The following RASA1 variants were observed in gnomAD, a reference collection of about 807,000 sequenced individuals.
The protein encoded by RASA1 is ras GTPase-activating protein 1.
RASA1 carries 25 observed loss-of-function variants against 132.2 expected under a neutral mutation model. The ratio of observed to expected loss-of-function variants is 0.19; its 90% confidence interval spans 0.14 to 0.26. The LOEUF is 0.26. Ranked by LOEUF, RASA1 falls within the 10% of genes least tolerant of loss-of-function variation. The pLI is 1.00. For synonymous variants in RASA1, 477 were observed against 449.9 expected (o/e 1.06, Z -0.76); for missense variants, 964 against 1,299.2 (o/e 0.74, Z 3.97).
chr5:87,390,756 G>T lies in RASA1; in HGVS notation c.3061-44G>T. ...TCCAGGTTCCCATCCTGAAATTGCT[G>T]ACCGAGCTTTCATTTATTTTCATAC... On this transcript the variant is annotated intron_variant, in intron 24 of 24. Transcript: ENST00000274376. 2.0e-6 allele frequency: 3 copies of T among 1,525,700 alleles called. No homozygotes were observed. The South Asian group carries it at 3.4e-5, about 17-fold the overall frequency. The allele number at this position is 1,525,700 out of a possible 1,614,324, so 94.5% of individuals were successfully genotyped here.
chr5:87,369,939 G>GT, intron 12 of RASA1, 39 bp downstream of exon 12: 1 of 1,491,732 alleles, frequency 6.7e-7, no homozygotes, highest in Non-Finnish European at 9.3e-7. Flanking sequence ...ATACTTTTAT[G>GT]TTAGCCCATG....
At chr5:87,390,026 C>A (rs932296292) in intron 24 of RASA1, among the ~76,000 whole-genome samples, 1 of 152,050 alleles carries the variant, frequency 6.6e-6, no homozygotes, top group Non-Finnish European at 1.5e-5. Flanking sequence ...TATAGGTATT[C>A]CGATGCAAGT....
chr5:87,379,332 T>C (rs967430757), intron 18 of RASA1, among the ~76,000 whole-genome samples: 1 of 152,126 alleles, frequency 6.6e-6, no homozygotes, highest in Non-Finnish European at 1.5e-5. Context: ...CCGACTTCCA[T>C]AGATAAATGT....
intron 1 of RASA1, among the ~76,000 whole-genome samples, chr5:87,272,870 A>G (rs995002718): frequency 3.9e-5 from 6 of 152,218 alleles, no homozygotes; most frequent in East Asian, 3.8e-4. Flanking sequence ...GTAGATATTC[A>G]TATTTTTAAG....
chr5:87,316,588 C>T (rs1285135086), intron 1 of RASA1, among the ~76,000 whole-genome samples: 1 of 152,086 alleles, frequency 6.6e-6, no homozygotes, highest in East Asian at 1.9e-4. Flanking sequence ...TAGACCTGTC[C>T]CACAGAGACT....
At chr5:87,313,341 G>A (rs989213341) in intron 1 of RASA1, among the ~76,000 whole-genome samples, 5 of 152,162 alleles carry the variant, frequency 3.3e-5, no homozygotes, top group Non-Finnish European at 5.9e-5. Flanking sequence ...AACTACCACA[G>A]GGTAGGAGGA....
intron 1 of RASA1, among the ~76,000 whole-genome samples, chr5:87,275,759 T>TG (rs1490401466): frequency 3.9e-5 from 6 of 152,104 alleles, no homozygotes; most frequent in Admixed American, 3.9e-4. Flanking sequence ...TTCATGGAGA[T>TG]GGGGTTTCAC....
intron 1 of RASA1, among the ~76,000 whole-genome samples, chr5:87,287,217 C>CACCGTATATATACACACCATATATAT (rs1172244902): frequency 1.4e-5 from 2 of 145,560 alleles, no homozygotes; most frequent in African/African-American, 2.5e-5. Context: ...TATATATACA[C>CACCGTATATATACACACCATATATAT]ACCGTATATA....
Position 87,268,923 on chromosome 5 carries a change from T to A in RASA1, c.472T>A (p.Ser158Thr), listed in dbSNP as rs780636400. The change falls in exon 1 of 25, where the codon TCT becomes ACT. Residue 158 changes from serine to threonine, a missense_variant. By Grantham distance (58) the Ser-to-Thr change is moderately conservative. Around this residue, in one of 6 missense-constraint regions of RASA1, gnomAD observed 326 missense variants for 275.8 expected, o/e 1.18. Coordinates refer to ENST00000274376, the MANE Select transcript of RASA1 (RefSeq NM_002890.3). ...AGLGTVDEGD[S>T]LDGPEYEEEE... is the part of the protein sequence containing the mutation. The stretch of plus-strand genomic sequence containing the variant: ...CCTCGGGACAGTGGACGAAGGTGAC[T>A]CTCTGGATGGACCAGAATACGAGGA... The A allele has an allele frequency of 6.2e-7, 1 of 1,614,124 alleles. No individual in the cohort carries two copies. Among genetic ancestry groups the A allele is most frequent in the Non-Finnish European group, 8.5e-7 (1 of 1,180,008 alleles).
rs1457580428 is a variant in RASA1, at chr5:87,268,830, A to G, written c.379A>G (p.Thr127Ala). Residue 127 changes from threonine (T) to alanine (A), a missense_variant, in exon 1 of 25, where the codon ACT becomes GCT. Transcript: ENST00000274376. ...TKLPTSLLAE[T>A]LGPGGGFPPL... ...ACTGCCCACTTCGTTGCTTGCTGAG[A>G]CTCTCGGGCCAGGCGGCGGTTTTCC... is the stretch of plus-strand genomic sequence containing the variant. 6.2e-7 allele frequency: 1 copy of G among 1,610,498 alleles called. No homozygotes were observed. The highest frequency in any genetic ancestry group is 2.2e-5 in the East Asian group (1 of 44,768).
At chr5:87,368,480 G>A (rs1016831226) in intron 11 of RASA1, among the ~76,000 whole-genome samples, 1 of 152,044 alleles carries the variant, frequency 6.6e-6, no homozygotes, top group Non-Finnish European at 1.5e-5. Flanking sequence ...TGTCTACTTA[G>A]TTTGACTAAG....
intron 8 of RASA1, among the ~76,000 whole-genome samples, chr5:87,352,524 T>G (rs1245716594): frequency 6.6e-6 from 1 of 151,774 alleles, no homozygotes; most frequent in Non-Finnish European, 1.5e-5. Context: ...TCACTAAAAT[T>G]TATATTAAAA....
chr5:87,291,493 G>C (rs114594204), intron 1 of RASA1, among the ~76,000 whole-genome samples: 13 of 152,164 alleles, frequency 8.5e-5, no homozygotes, highest in Non-Finnish European at 1.9e-4. Flanking sequence ...ATTGTGCCAC[G>C]GCACTCCTAC....
At chr5:87,337,267 G>C (rs1228558473) in intron 4 of RASA1, among the ~76,000 whole-genome samples, 1 of 151,976 alleles carries the variant, frequency 6.6e-6, no homozygotes, top group Admixed American at 6.6e-5. Context: ...AAAACATCTA[G>C]GTTTCAGTAA....
chr5:87,322,972 A>G (rs1232113889), intron 1 of RASA1, among the ~76,000 whole-genome samples: 1 of 152,186 alleles, frequency 6.6e-6, no homozygotes, highest in African/African-American at 2.4e-5. Flanking sequence ...AGATGTTGAT[A>G]TATTCACCTT....
At chr5:87,280,173 T>G (rs1580192310) in intron 1 of RASA1, among the ~76,000 whole-genome samples, 1 of 152,302 alleles carries the variant, frequency 6.6e-6, no homozygotes, top group Non-Finnish European at 1.5e-5. Context: ...ATTCACTGAC[T>G]CACATGCCAG....
intron 4 of RASA1, among the ~76,000 whole-genome samples, chr5:87,335,767 A>G (rs1757932815): frequency 6.6e-6 from 1 of 152,208 alleles, no homozygotes; most frequent in Non-Finnish European, 1.5e-5. Context: ...GTTAACAACT[A>G]GAAGATATAG....
At chr5:87,356,383 AT>A (rs11409141) in intron 9 of RASA1, among the ~76,000 whole-genome samples, 445 of 141,492 alleles carry the variant, frequency 3.1e-3, no homozygotes, top group East Asian at 5.0e-3. Flanking sequence ...GATGATTGTT[AT>A]TTTTTTTTTT....
chr5:87,372,003 A>G, intron 12 of RASA1, 115 bp from the exon 13 acceptor site: 1 of 728,478 alleles, frequency 1.4e-6, no homozygotes, highest in South Asian at 1.7e-5. Context: ...TGAGAATAGA[A>G]ATGGCAGTCT....
Sources: allele counts gnomAD v4.1 joint callset (sites outside exome capture counted in the v4.1 genomes callset), GRCh38; gene constraint gnomAD v4.1.1; regional missense constraint gnomAD v4.1.1; transcripts MANE v1.5; gene names NCBI Gene and HGNC (gene_info 2026-07-23, HGNC 2026-07-21).